APBB2: variants seen among roughly 807,000 people sequenced by gnomAD.
The protein encoded by APBB2 is Fe65-like 1.
A neutral mutation model predicts 82.5 loss-of-function variants in APBB2; 38 were observed. That is an observed-to-expected ratio of 0.46 (90% CI 0.36 to 0.60). The LOEUF (loss-of-function observed/expected upper bound fraction) is 0.60, where lower values mean the gene tolerates loss of function less well. APBB2 is among the 20% of genes least tolerant of loss of function. APBB2 has a pLI of 0.00. For missense variants in APBB2, 772 were observed against 972.3 expected, an observed-to-expected ratio of 0.79 and a Z score of 2.74; for synonymous variants, 341 against 368.2, an observed-to-expected ratio of 0.93 and a Z score of 0.85.
Position 40,996,041 on chromosome 4 carries a change from T to C in APBB2, c.835+17542A>G, listed in dbSNP as rs62412078. ...GTTGGCCACAGTTATTTCACTGAGG[T>C]TACATCTGTTGAGTGTCTCACTTGG... On this transcript the variant is annotated intron_variant, in intron 6 of 17. Coordinates refer to ENST00000508593, the MANE Select transcript of APBB2 (RefSeq NM_004307.2). 4.8e-3 allele frequency among the ~76,000 whole-genome samples: 727 copies of C among 152,316 alleles called. 3 individuals carry two copies. Among genetic ancestry groups the C allele is most frequent in the Middle Eastern group, 0.01 (3 of 294 alleles).
At chr4:40,902,921 A>G (rs1425330592) in intron 10 of APBB2, among the ~76,000 whole-genome samples, 1 of 152,194 alleles carries the variant, frequency 6.6e-6, no homozygotes, top group African/African-American at 2.4e-5. Flanking sequence ...CAGGAGGATC[A>G]CTTGAGGCCG....
At chr4:40,884,069 G>A (rs150925502) in intron 12 of APBB2, among the ~76,000 whole-genome samples, 291 of 152,280 alleles carry the variant, frequency 1.9e-3, no homozygotes, top group African/African-American at 5.8e-3. Flanking sequence ...TATTTAGGAC[G>A]TATCTGACCC....
chr4:40,998,965 T>C (rs552195496), intron 6 of APBB2, among the ~76,000 whole-genome samples: 1 of 151,958 alleles, frequency 6.6e-6, no homozygotes, highest in Non-Finnish European at 1.5e-5. Context: ...GAGAACGGTG[T>C]GCAGCTTAAA....
intron 5 of APBB2, among the ~76,000 whole-genome samples, chr4:41,015,516 G>C (rs542819652): frequency 6.6e-6 from 1 of 152,338 alleles, no homozygotes; most frequent in East Asian, 1.9e-4. Context: ...TTGCAGGAGA[G>C]AAGGGCAATA....
At chr4:41,098,182 T>C (rs1366622443) in intron 3 of APBB2, among the ~76,000 whole-genome samples, 1 of 151,990 alleles carries the variant, frequency 6.6e-6, no homozygotes, top group Non-Finnish European at 1.5e-5. Flanking sequence ...ATCAACTTTA[T>C]TTTTACTAAT....
At chr4:40,893,163 A>C in intron 11 of APBB2, 102 bp downstream of exon 11, 1 of 1,397,538 alleles carries the variant, frequency 7.2e-7, no homozygotes, top group African/African-American at 1.5e-5. Flanking sequence ...CCTGATGAAC[A>C]CCTCGGAGCC....
At chr4:41,049,518 C>A (rs1256241399) in intron 4 of APBB2, among the ~76,000 whole-genome samples, 3 of 145,754 alleles carry the variant, frequency 2.1e-5, no homozygotes. Context: ...TGGGGGCCAG[C>A]CCCCGCCCGG....
intron 6 of APBB2, among the ~76,000 whole-genome samples, chr4:40,982,046 G>A (rs1055388976): frequency 7.9e-5 from 12 of 151,202 alleles, no homozygotes; most frequent in South Asian, 2.1e-4. Flanking sequence ...TTAGTTGGGC[G>A]TGGTAGCACA....
At chr4:41,169,046 A>T (rs1430876551) in intron 1 of APBB2, among the ~76,000 whole-genome samples, 5 of 152,046 alleles carry the variant, frequency 3.3e-5, no homozygotes, top group Admixed American at 6.5e-5. Context: ...TTAGCTGGGC[A>T]TGGTGGCGCA....
At chr4:40,877,084 A>G (rs1451730245) in intron 12 of APBB2, among the ~76,000 whole-genome samples, 1 of 152,252 alleles carries the variant, frequency 6.6e-6, no homozygotes, top group Non-Finnish European at 1.5e-5. Flanking sequence ...CATTAACCAC[A>G]GTGGCTCAGC....
At chr4:40,924,729 C>A (rs1374840335) in intron 10 of APBB2, among the ~76,000 whole-genome samples, 1 of 152,176 alleles carries the variant, frequency 6.6e-6, no homozygotes, top group African/African-American at 2.4e-5. Context: ...GGAACTGCAC[C>A]GCCAAACCCT....
chr4:41,005,255 T>A (rs1232113195), intron 6 of APBB2, among the ~76,000 whole-genome samples: 18 of 152,058 alleles, frequency 1.2e-4, no homozygotes. Context: ...CACGCCCAAC[T>A]AATTTTGTAT....
At chr4:41,190,378 T>C (rs1249730495) in intron 1 of APBB2, among the ~76,000 whole-genome samples, 6 of 150,464 alleles carry the variant, frequency 4.0e-5, no homozygotes, top group African/African-American at 1.5e-4. Flanking sequence ...AGCCCGCGAG[T>C]AGCTGGGATT....
chr4:40,890,759 C>T, intron 11 of APBB2: 1 of 352,376 alleles, frequency 2.8e-6, no homozygotes, highest in East Asian at 5.4e-5. Context: ...TAATTATTTA[C>T]ACTTCTGAAT....
At chr4:40,890,150 T>G (rs1203009550) in intron 12 of APBB2, among the ~76,000 whole-genome samples, 1 of 151,978 alleles carries the variant, frequency 6.6e-6, no homozygotes, top group African/African-American at 2.4e-5. Context: ...AGGATCAGAG[T>G]TGACAAAAGA....
rs577321284 is a variant in APBB2, at chr4:41,132,793, C to T, written c.-261+10194G>A. Among the ~76,000 whole-genome samples the T allele has an allele frequency of 3.3e-5, 5 of 152,036 alleles. No homozygotes were observed. In the South Asian group the frequency reaches 1.0e-3, roughly 32 times the overall value. On this transcript the variant is annotated intron_variant, in intron 2 of 17. Transcript: ENST00000508593. ...TTACTTCCTCTGAACTCCCAGAGGA[C>T]AAGAAAAACTGACAAATGAACATTA... is the stretch of plus-strand genomic sequence containing the variant.
chr4:40,824,162 A>AAAAAAG (rs1408610293), intron 15 of APBB2, among the ~76,000 whole-genome samples: 23 of 152,230 alleles, frequency 1.5e-4, no homozygotes, highest in Admixed American at 3.3e-4. Context: ...TCAAAAAACA[A>AAAAAAG]AAAAAGAAAA....
intron 2 of APBB2, among the ~76,000 whole-genome samples, chr4:41,133,190 T>A (rs913818266): frequency 2.0e-5 from 3 of 152,228 alleles, no homozygotes; most frequent in African/African-American, 7.2e-5. Flanking sequence ...AAGGAGCACA[T>A]ATACAGAACT....
At chr4:40,819,972 C>T (rs915463862) in intron 17 of APBB2, among the ~76,000 whole-genome samples, 5 of 152,154 alleles carry the variant, frequency 3.3e-5, no homozygotes, top group Non-Finnish European at 4.4e-5. Context: ...CCACCACGCC[C>T]GGCTGAAAGT....
Sources: gnomAD v4.1 joint callset for allele counts (sites outside exome capture counted in the v4.1 genomes callset) on GRCh38, gnomAD v4.1.1 for gene constraint, MANE v1.5 for transcripts, NCBI Gene and HGNC (gene_info 2026-07-23, HGNC 2026-07-21) for gene names.